The following GIPC1 variants were observed in gnomAD, a reference collection of about 807,000 sequenced individuals.
The protein encoded by GIPC1 is GIPC PDZ domain containing family member 1, also known as PDZ domain-containing protein GIPC1.
A neutral mutation model predicts 28.5 loss-of-function variants in GIPC1; 15 were observed. The observed-to-expected ratio is 0.53, with a 90% confidence interval of 0.35 to 0.81. The LOEUF is 0.81. Ranked by LOEUF, GIPC1 falls within the 30% of genes least tolerant of loss-of-function variation. The probability of loss-of-function intolerance (pLI) is 0.01; values close to 1 mark genes in which losing one functional copy is unlikely to be tolerated. For synonymous variants in GIPC1, 224 were observed against 206.1 expected, an observed-to-expected ratio of 1.09 and a Z score of -0.74; for missense variants, 439 against 481.9, an observed-to-expected ratio of 0.91 and a Z score of 0.83.
rs368274508 is a variant in GIPC1 at position 14,479,043 on chromosome 19, G to A, written c.769-278C>T. On this transcript the variant is annotated intron_variant, in intron 7 of 8. Transcript: ENST00000393033. ...CCCTCAGCTAACAGGTAATGCTGCC[G>A]GTTATGAAAAGGAAGGGAGGGCTGG... 2.3e-3 allele frequency among the ~76,000 whole-genome samples: 351 copies of A among 152,098 alleles called. 6 individuals carry two copies. The South Asian group carries it at 0.065, about 28-fold the overall frequency.
Position 14,478,098 on chromosome 19 carries a change from GC to G in GIPC1, c.*317del, listed in dbSNP as rs1482943170. 3.1e-6 allele frequency: 1 copy of G among 326,794 alleles called. No homozygotes were observed. The highest frequency in any genetic ancestry group is 2.1e-5 in the African/African-American group (1 of 48,032). 20.2% of individuals were successfully genotyped at this position (326,794 alleles called of 1,614,324 possible). ...CCAGGGAGACAGAGGGACCAGTTTG[GC>G]AGCTGATGGTGGAAAGTGGTGGAGG... On this transcript the variant is annotated 3_prime_UTR_variant, in exon 9 of 9. Transcript: ENST00000393033. This position sits in a 1 kb window ranked among gnomAD's most constrained non-coding sequence, Gnocchi z 5.2.
chr19:14,494,926 T>C (rs1032287873), intron 1 of GIPC1, among the ~76,000 whole-genome samples: 11 of 151,972 alleles, frequency 7.2e-5, no homozygotes, highest in African/African-American at 2.4e-4. Context: ...AGAAGCAGTG[T>C]GGCCAGCAGG....
chr19:14,481,460 C>T (rs547906845), intron 4 of GIPC1, among the ~76,000 whole-genome samples: 29 of 152,140 alleles, frequency 1.9e-4, no homozygotes, highest in African/African-American at 5.8e-4. Context: ...CGGTGGCTCA[C>T]GCCTGTAATC....
At chr19:14,479,350 CT>C in intron 7 of GIPC1, 61 bp downstream of exon 7, 1 of 674,272 alleles carries the variant, frequency 1.5e-6, no homozygotes, top group South Asian at 2.7e-5. Flanking sequence ...GAGACTCTGT[CT>C]CAAAAAAAAA....
chr19:14,485,702 TAGAGAGAGAGAGAGAGAG>T (rs747570310), intron 3 of GIPC1, among the ~76,000 whole-genome samples: 4,459 of 58,800 alleles, frequency 0.076, 234 homozygotes, highest in African/African-American at 0.16. Context: ...TATATATATA[TAGAGAGAGAGAGAGAGAG>T]AGAGAGAGAG....
intron 3 of GIPC1, among the ~76,000 whole-genome samples, chr19:14,483,861 T>C (rs926435255): frequency 3.9e-5 from 6 of 151,938 alleles, no homozygotes; most frequent in Middle Eastern, 3.4e-3. Flanking sequence ...TGTGACAGGG[T>C]CTTGCTCTGT....
intron 3 of GIPC1, among the ~76,000 whole-genome samples, chr19:14,489,846 G>A (rs887810006): frequency 1.3e-5 from 2 of 149,496 alleles, no homozygotes; most frequent in Non-Finnish European, 3.0e-5. Flanking sequence ...AGGGTTTTAT[G>A]TATTAAAGTG....
chr19:14,479,981 A>T, intron 6 of GIPC1: 1 of 485,004 alleles, frequency 2.1e-6, no homozygotes, highest in Non-Finnish European at 3.7e-6. Flanking sequence ...GCCAGATGGA[A>T]AAGTGGGGGG....
chr19:14,479,461 C>T lies in GIPC1; in HGVS notation c.719G>A (p.Arg240Gln), dbSNP rs772610647. 2.0e-5 allele frequency: 29 copies of T among 1,436,128 alleles called. No individual in the cohort carries two copies. The East Asian group carries it at 2.0e-4, about 10-fold the overall frequency. The allele number at this position is 1,436,128 out of a possible 1,614,324, so 89.0% of individuals were successfully genotyped here. ...CCGGGATCGGAGCCGCAGGGTCCCT[C>T]GGCCAGTGCCCAGTTGTGGGCCAGA... Reference protein sequence around the residue: ...PGSGPQLGTGRGTLRLRSRGP... With the variant: ...PGSGPQLGTGQGTLRLRSRGP... The change falls in exon 7 of 9, where the codon CGA (arginine) becomes CAA (glutamine). Residue 240 changes from arginine to glutamine, a missense_variant. Arg to Gln is a conservative substitution (Grantham distance 43). Coordinates refer to ENST00000393033, the MANE Select transcript of GIPC1 (RefSeq NM_005716.4).
chr19:14,495,869 C>A (rs937854658), intron 1 of GIPC1, among the ~76,000 whole-genome samples, 168 bp downstream of exon 1: 11 of 151,570 alleles, frequency 7.3e-5, no homozygotes, highest in African/African-American at 1.2e-4. Context: ...CACCACCCCC[C>A]ACCCCCGCTT....
chr19:14,479,882 C>T lies in GIPC1; in HGVS notation c.656-358G>A, dbSNP rs572168343. The stretch of plus-strand genomic sequence containing the variant: ...TGGCCAAGGGGGTATGGCTGCTGGG[C>T]CACAGACCAGCCCTACCTGCCCAGG... On this transcript the variant is annotated intron_variant, in intron 6 of 8. Coordinates refer to ENST00000393033, the MANE Select transcript of GIPC1 (RefSeq NM_005716.4). The T allele has an allele frequency of 8.7e-4, 327 of 377,712 alleles. 2 individuals carry two copies. The highest frequency in any genetic ancestry group is 6.4e-3 in the African/African-American group (302 of 47,218). 23.4% of individuals were successfully genotyped at this position (377,712 alleles called of 1,614,324 possible).
At chr19:14,495,775 C>T (rs2072062777) in intron 1 of GIPC1, among the ~76,000 whole-genome samples, 1 of 151,918 alleles carries the variant, frequency 6.6e-6, no homozygotes, top group Admixed American at 6.6e-5. Context: ...AGCCGGGGGA[C>T]GGGGGGAGGG....
At chr19:14,491,205 C>T (rs1338016501) in intron 3 of GIPC1, among the ~76,000 whole-genome samples, 1 of 151,320 alleles carries the variant, frequency 6.6e-6, no homozygotes, top group African/African-American at 2.4e-5. Context: ...TTCCTGGTGC[C>T]TCCTATCCAA....
At chr19:14,483,181 T>C in intron 3 of GIPC1, 175 bp from the exon 4 acceptor site, 1 of 574,912 alleles carries the variant, frequency 1.7e-6, no homozygotes, top group South Asian at 2.2e-5. Context: ...TAGGGCTGGG[T>C]GCGGTGGCTC....
At chr19:14,480,851 G>A in intron 4 of GIPC1, 73 bp from the exon 5 acceptor site, 2 of 1,103,908 alleles carry the variant, frequency 1.8e-6, no homozygotes, top group African/African-American at 1.5e-5. Context: ...GAGGGCGAAG[G>A]GAGAGAGCTG....
At position 14,478,955 on chromosome 19, in the gene GIPC1, A is replaced by T. The variant is rs183745572; in HGVS notation, c.769-190T>A. Among the ~76,000 whole-genome samples the T allele has an allele frequency of 5.9e-5, 9 of 152,290 alleles. No individual in the cohort carries two copies. The highest frequency in any genetic ancestry group is 3.4e-3 in the Middle Eastern group (1 of 294). ...CAAACTGCGGCCCATGTGCCCAAGGAAGGTCCCTGGGAGCTGGGAAGTGGC... is the reference window on the plus strand; with the variant it reads ...CAAACTGCGGCCCATGTGCCCAAGGTAGGTCCCTGGGAGCTGGGAAGTGGC... On this transcript the variant is annotated intron_variant, in intron 7 of 8. Coordinates refer to ENST00000393033, the MANE Select transcript of GIPC1 (RefSeq NM_005716.4). This position sits in a 1 kb window ranked among gnomAD's most constrained non-coding sequence, Gnocchi z 5.2.
intron 2 of GIPC1, 51 bp downstream of exon 2, chr19:14,492,805 CG>C (rs1401377401): frequency 6.6e-6 from 1 of 152,190 alleles, no homozygotes; most frequent in African/African-American, 2.4e-5. Flanking sequence ...CTGCCTGCCA[CG>C]GCCATAAGAG....
chr19:14,483,101 A>G lies in GIPC1; in HGVS notation c.-30-95T>C, dbSNP rs1406049825. On this transcript the variant is annotated intron_variant, in intron 3 of 8. Coordinates refer to ENST00000393033, the MANE Select transcript of GIPC1 (RefSeq NM_005716.4). ...CATACAGGCCCAAGGAAATACTCAG[A>G]GAACAAATTGGCCTCGGTTGAAATC... 1.2e-5 allele frequency: 10 copies of G among 807,664 alleles called. No individual in the cohort carries two copies. The East Asian group carries it at 2.4e-4, about 19-fold the overall frequency. 50.0% of individuals were successfully genotyped at this position (807,664 alleles called of 1,614,324 possible).
intron 3 of GIPC1, among the ~76,000 whole-genome samples, chr19:14,487,381 C>T (rs1343931457): frequency 2.0e-5 from 3 of 151,324 alleles, no homozygotes; most frequent in South Asian, 2.1e-4. Flanking sequence ...TACAGGTGCA[C>T]GCCACCATGC....
Sources: gnomAD v4.1 joint callset for allele counts (sites outside exome capture counted in the v4.1 genomes callset) on GRCh38, gnomAD v4.1.1 for gene constraint, Gnocchi (gnomAD v3.1) non-coding constraint, MANE v1.5 for transcripts, NCBI Gene and HGNC (gene_info 2026-07-23, HGNC 2026-07-21) for gene names.